The following PALS2 variants were observed in gnomAD, a reference collection of about 807,000 sequenced individuals.
PALS2 encodes protein associated with LIN7 2, MAGUK p55 family member, also known as protein PALS2.
In PALS2, 27 loss-of-function variants were observed where a neutral mutation model predicts 61.6. That is an observed-to-expected ratio of 0.44 (90% CI 0.32 to 0.60). PALS2 has a LOEUF of 0.60. PALS2 is among the 20% of genes least tolerant of loss of function. The pLI is 0.05. For synonymous variants in PALS2, 236 were observed against 218.6 expected (o/e 1.08, Z -0.70); for missense variants, 554 against 639.4 (o/e 0.87, Z 1.44).
chr7:24,642,152 A>G (rs965989045), intron 3 of PALS2, among the ~76,000 whole-genome samples: 5 of 152,134 alleles, frequency 3.3e-5, no homozygotes, highest in African/African-American at 1.2e-4. Context: ...GTCAGACCAC[A>G]TGCTGGAGCC....
In PALS2 at chr7:24,659,775, A is replaced by T. The variant is rs549519032; in HGVS notation, c.652-3815A>T. Among the ~76,000 whole-genome samples the T allele has an allele frequency of 3.9e-5, 6 of 152,336 alleles. No individual in the cohort carries two copies. In the South Asian group the frequency reaches 1.2e-3, roughly 32 times the overall value. ...GATTCTTTACCATCATTGAGGAAAG[A>T]GCTACACAGAGAGAGGATGCAGGTA... On this transcript the variant is annotated intron_variant, in intron 5 of 11. Coordinates refer to ENST00000222644, the MANE Select transcript of PALS2 (RefSeq NM_001303037.2).
intron 11 of PALS2, among the ~76,000 whole-genome samples, chr7:24,685,589 G>A (rs979324761): frequency 4.6e-5 from 7 of 150,890 alleles, no homozygotes; most frequent in African/African-American, 1.7e-4. Flanking sequence ...TCTATAGCCA[G>A]AGAGAGAATC....
intron 5 of PALS2, among the ~76,000 whole-genome samples, chr7:24,659,914 C>G (rs1363638596): frequency 6.6e-6 from 1 of 152,200 alleles, no homozygotes; most frequent in African/African-American, 2.4e-5. Context: ...TGCACTGTAA[C>G]CACCTTGATC....
At chr7:24,644,391 G>A (rs1315872986) in intron 3 of PALS2, among the ~76,000 whole-genome samples, 1 of 152,010 alleles carries the variant, frequency 6.6e-6, no homozygotes, top group Non-Finnish European at 1.5e-5. Flanking sequence ...AGTTTGCTAA[G>A]GATAATAGCC....
chr7:24,683,710 A>G (rs1226484812), intron 11 of PALS2, among the ~76,000 whole-genome samples: 1 of 152,190 alleles, frequency 6.6e-6, no homozygotes, highest in African/African-American at 2.4e-5. Context: ...CCATTGTCAC[A>G]TAGTTGATCA....
At position 24,582,883 on chromosome 7, in the gene PALS2, C is replaced by CTTTTTTT. The variant is rs757869072; in HGVS notation, c.-3+9310_-3+9316dup. Among the ~76,000 whole-genome samples, 11 of 57,468 alleles carry CTTTTTTT rather than the reference C, an allele frequency of 1.9e-4. 2 individuals are homozygous for CTTTTTTT. Among genetic ancestry groups the CTTTTTTT allele is most frequent in the African/African-American group, 3.5e-4 (5 of 14,250 alleles). 37.7% of individuals were successfully genotyped at this position (57,468 alleles called of 152,430 possible). ...GCTTATTTTTGAAATGATAGTCATG[C>CTTTTTTT]TTTTTTTTTTTTTTTTTTTTTTTTT... is the stretch of plus-strand genomic sequence containing the variant. On this transcript the variant is annotated intron_variant, in intron 1 of 11. Coordinates refer to ENST00000222644, the MANE Select transcript of PALS2 (RefSeq NM_001303037.2).
At chr7:24,626,872 C>T (rs571041276) in intron 2 of PALS2, among the ~76,000 whole-genome samples, 1 of 152,280 alleles carries the variant, frequency 6.6e-6, no homozygotes, top group Non-Finnish European at 1.5e-5. Context: ...ATTCATAAAG[C>T]AAGTTCTTAG....
chr7:24,656,073 T>C (rs1185080113), intron 5 of PALS2, among the ~76,000 whole-genome samples: 2 of 152,222 alleles, frequency 1.3e-5, no homozygotes, highest in Non-Finnish European at 2.9e-5. Flanking sequence ...GCTAGTGTCA[T>C]GGAAAATCTC....
intron 5 of PALS2, among the ~76,000 whole-genome samples, chr7:24,654,996 A>G (rs1786341771): frequency 6.6e-6 from 1 of 152,226 alleles, no homozygotes; most frequent in Non-Finnish European, 1.5e-5. Flanking sequence ...GTTTCACTCT[A>G]CACAGAAAAA....
chr7:24,682,205 C>T (rs1787972090), intron 11 of PALS2, among the ~76,000 whole-genome samples: 1 of 152,112 alleles, frequency 6.6e-6, no homozygotes, highest in Non-Finnish European at 1.5e-5. Flanking sequence ...TTTGGTACTC[C>T]TACCACAGGG....
In PALS2 at chr7:24,626,921, G is replaced by A. The variant is rs929920595; in HGVS notation, c.117+3137G>A. The stretch of plus-strand genomic sequence containing the variant: ...CTTAGACTCCCACACCATAATAGTC[G>A]GAGATTTTAACACCCCACCGTCAAT... On this transcript the variant is annotated intron_variant, in intron 2 of 11. Coordinates refer to ENST00000222644, the MANE Select transcript of PALS2 (RefSeq NM_001303037.2). Among the ~76,000 whole-genome samples, 10 of 152,164 alleles carry A rather than the reference G, an allele frequency of 6.6e-5. No individual in the cohort carries two copies. The East Asian group carries it at 9.7e-4, about 15-fold the overall frequency.
At position 24,687,366 on chromosome 7, in the gene PALS2, A is replaced by G; in HGVS notation, c.1447-72A>G. On this transcript the variant is annotated intron_variant, in intron 11 of 11. Coordinates refer to ENST00000222644, the MANE Select transcript of PALS2 (RefSeq NM_001303037.2). This position sits in a 1 kb window ranked among gnomAD's most constrained non-coding sequence, Gnocchi z 4.5. Reference sequence around the variant, plus strand: ...TATATCTAACCTATTTATTATATTCACTTCTAGTTGGAGTTTGAGCAAGTA... The same window carrying G: ...TATATCTAACCTATTTATTATATTCGCTTCTAGTTGGAGTTTGAGCAAGTA... The G allele has an allele frequency of 8.9e-7, 1 of 1,129,112 alleles. No homozygotes were observed. Among genetic ancestry groups the G allele is most frequent in the Non-Finnish European group, 1.3e-6 (1 of 772,188 alleles). 69.9% of individuals were successfully genotyped at this position (1,129,112 alleles called of 1,614,324 possible). A position where few individuals can be genotyped will look rare whatever the true frequency, so the allele number is the denominator to read the frequency against.
At chr7:24,642,680 A>G (rs187685939) in intron 3 of PALS2, among the ~76,000 whole-genome samples, 2 of 152,122 alleles carry the variant, frequency 1.3e-5, no homozygotes, top group African/African-American at 4.8e-5. Context: ...TTCTCAGCCA[A>G]AGATTTTATG....
At chr7:24,608,047 A>G (rs900520385) in intron 1 of PALS2, among the ~76,000 whole-genome samples, 12 of 152,166 alleles carry the variant, frequency 7.9e-5, no homozygotes, top group Admixed American at 5.9e-4. Flanking sequence ...ATGTGTGTTT[A>G]TATACACATA....
chr7:24,679,951 T>A (rs192931815), intron 10 of PALS2, among the ~76,000 whole-genome samples: 24 of 152,308 alleles, frequency 1.6e-4, no homozygotes, highest in African/African-American at 5.5e-4. Context: ...TCTTCAGGGG[T>A]TTTATTAAAT....
chr7:24,586,069 A>G (rs1428792451), intron 1 of PALS2, among the ~76,000 whole-genome samples: 2 of 152,228 alleles, frequency 1.3e-5, no homozygotes, highest in Non-Finnish European at 2.9e-5. Flanking sequence ...TTACACAAAT[A>G]AAAAGATTAT....
Position 24,690,258 on chromosome 7 carries a change from CG to C in PALS2, c.*2649del, listed in dbSNP as rs1198479181. ...ATCTGCAGGAATGAGCAGTGCTCTGCGGGGGCAAACAGCCCCAGAGGTCCCA... is the reference window on the plus strand; with the variant it reads ...ATCTGCAGGAATGAGCAGTGCTCTGCGGGGCAAACAGCCCCAGAGGTCCCA... On this transcript the variant is annotated 3_prime_UTR_variant, in exon 12 of 12. Transcript: ENST00000222644. 1 of 152,140 alleles carries C rather than the reference CG, an allele frequency of 6.6e-6. No individual in the cohort carries two copies. The highest frequency in any genetic ancestry group is 1.5e-5 in the Non-Finnish European group (1 of 68,028). 9.4% of individuals were successfully genotyped at this position (152,140 alleles called of 1,614,324 possible).
intron 1 of PALS2, among the ~76,000 whole-genome samples, chr7:24,611,939 GGTACGA>G (rs1318402604): frequency 6.6e-6 from 1 of 151,756 alleles, no homozygotes; most frequent in African/African-American, 2.4e-5. Context: ...GGGTAGTCTG[GGTACGA>G]TATGATAATG....
At chr7:24,609,823 T>G (rs531697972) in intron 1 of PALS2, among the ~76,000 whole-genome samples, 1 of 152,258 alleles carries the variant, frequency 6.6e-6, no homozygotes, top group African/African-American at 2.4e-5. Context: ...CTCTTCTATA[T>G]GCGATTCCTT....
Sources: allele counts gnomAD v4.1 joint callset (sites outside exome capture counted in the v4.1 genomes callset), GRCh38; gene constraint gnomAD v4.1.1; non-coding constraint Gnocchi (gnomAD v3.1); transcripts MANE v1.5; gene names NCBI Gene and HGNC (gene_info 2026-07-23, HGNC 2026-07-21).